The following ZBTB20 variants were observed in gnomAD, a reference collection of about 807,000 sequenced individuals.
ZBTB20 encodes zinc finger and BTB domain-containing protein 20.
A neutral mutation model predicts 56.9 loss-of-function variants in ZBTB20; 9 were observed. The ratio of observed to expected loss-of-function variants is 0.16; its 90% confidence interval spans 0.10 to 0.28. The LOEUF (loss-of-function observed/expected upper bound fraction) is 0.28. Ranked by LOEUF, ZBTB20 falls within the 10% of genes least tolerant of loss-of-function variation. The pLI, the probability that ZBTB20 is intolerant of heterozygous loss-of-function variation, is 1.00. For missense variants in ZBTB20, 655 were observed against 1,003.0 expected (o/e 0.65, Z 4.69); for synonymous variants, 417 against 420.7 (o/e 0.99, Z 0.11).
intron 4 of ZBTB20, among the ~76,000 whole-genome samples, chr3:114,890,647 G>A (rs984759464): frequency 1.3e-5 from 2 of 152,078 alleles, no homozygotes; most frequent in African/African-American, 4.8e-5. Flanking sequence ...TGTACCTAAT[G>A]TAAATGACAA....
Position 114,953,031 on chromosome 3 carries a change from G to T in ZBTB20, c.-456+21335C>A, listed in dbSNP as rs191024793. 3.6e-3 allele frequency among the ~76,000 whole-genome samples: 552 copies of T among 152,106 alleles called. 3 individuals are homozygous for T. Among genetic ancestry groups the T allele is most frequent in the African/African-American group, 0.013 (525 of 41,552 alleles). ...TGCAAAATTACAACATTATCTGACG[G>T]GGCTTCCAATGTATGTAGATATAAT... is the stretch of plus-strand genomic sequence containing the variant. On this transcript the variant is annotated intron_variant, in intron 3 of 11. Transcript: ENST00000675478.
At chr3:114,711,688 C>G (rs1041316701) in intron 5 of ZBTB20, among the ~76,000 whole-genome samples, 1 of 152,120 alleles carries the variant, frequency 6.6e-6, no homozygotes, top group African/African-American at 2.4e-5. Flanking sequence ...CTTGATGAAC[C>G]CTCAATCTGG....
rs80209118 is a variant in ZBTB20 at position 114,694,527 on chromosome 3, A to T, written c.-342-952T>A. Among the ~76,000 whole-genome samples, 104 of 152,150 alleles carry T rather than the reference A, an allele frequency of 6.8e-4. 3 individuals are homozygous for T. The East Asian group carries it at 0.019, about 27-fold the overall frequency. ...AATTCGTGTAGCTAAAAGTAATGAA[A>T]CACTGTATAAAAGAAGAACCCTATA... On this transcript the variant is annotated intron_variant, in intron 5 of 11. Coordinates refer to ENST00000675478, the MANE Select transcript of ZBTB20 (RefSeq NM_001348800.3).
chr3:114,684,622 T>G (rs144668563), intron 6 of ZBTB20: 64 of 152,298 alleles, frequency 4.2e-4, no homozygotes, highest in Middle Eastern at 3.4e-3. Flanking sequence ...AGGATGAAGG[T>G]GGGGTTATTT....
intron 6 of ZBTB20, among the ~76,000 whole-genome samples, chr3:114,665,724 G>C (rs2061010415): frequency 3.9e-5 from 6 of 152,030 alleles, no homozygotes; most frequent in Admixed American, 3.9e-4. Flanking sequence ...ATCTGCATTA[G>C]TAGAGAACAA....
chr3:114,383,853 A>AT (rs1407418779), intron 8 of ZBTB20, among the ~76,000 whole-genome samples: 12 of 152,348 alleles, frequency 7.9e-5, no homozygotes, highest in African/African-American at 2.6e-4. Context: ...CCCTGTCATA[A>AT]TTAGTTGAAA....
chr3:115,147,058 C>A (rs1490307280), intron 1 of ZBTB20, among the ~76,000 whole-genome samples, 161 bp downstream of exon 1: 5 of 149,472 alleles, frequency 3.3e-5, no homozygotes, highest in Admixed American at 3.3e-4. Context: ...GCTGGCTCGC[C>A]GCTCTGTAAC....
intron 5 of ZBTB20, among the ~76,000 whole-genome samples, chr3:114,763,310 A>C (rs1434518160): frequency 6.6e-6 from 1 of 152,232 alleles, no homozygotes; most frequent in Admixed American, 6.5e-5. Flanking sequence ...TCAGAAAACT[A>C]GTCATGGCTA....
chr3:114,345,706 G>T (rs1225991256), intron 11 of ZBTB20, among the ~76,000 whole-genome samples: 1 of 152,116 alleles, frequency 6.6e-6, no homozygotes, highest in Non-Finnish European at 1.5e-5. Context: ...TGTCTGGGGT[G>T]GGGGTGAAGG....
At chr3:114,921,268 AC>A (rs1057306248) in intron 3 of ZBTB20, among the ~76,000 whole-genome samples, 15 of 152,092 alleles carry the variant, frequency 9.9e-5, no homozygotes, top group African/African-American at 3.6e-4. Flanking sequence ...GATTACAGGC[AC>A]CCACCACTAC....
chr3:115,019,457 T>C (rs1191761274), intron 2 of ZBTB20, among the ~76,000 whole-genome samples: 1 of 151,236 alleles, frequency 6.6e-6, no homozygotes, highest in Non-Finnish European at 1.5e-5. Context: ...TTTTAGTGCT[T>C]CAAGCAGCAA....
chr3:114,630,892 T>C (rs988142981), intron 6 of ZBTB20, among the ~76,000 whole-genome samples: 1 of 152,156 alleles, frequency 6.6e-6, no homozygotes, highest in African/African-American at 2.4e-5. Flanking sequence ...ATGAAATAAC[T>C]CACATTAGAG....
chr3:114,354,589 T>TTG (rs1358886559), intron 10 of ZBTB20, among the ~76,000 whole-genome samples: 2 of 147,814 alleles, frequency 1.4e-5, no homozygotes, highest in Non-Finnish European at 1.5e-5. Context: ...TTTTGTTTGT[T>TTG]TTTTTTTTTT....
In ZBTB20 at chr3:114,617,461, G is replaced by A. The variant is rs531220986; in HGVS notation, c.-295+76067C>T. 4.3e-3 allele frequency among the ~76,000 whole-genome samples: 648 copies of A among 152,268 alleles called. 4 individuals are homozygous for A. The highest frequency in any genetic ancestry group is 6.3e-3 in the Non-Finnish European group (431 of 68,022). On this transcript the variant is annotated intron_variant, in intron 6 of 11. Coordinates refer to ENST00000675478, the MANE Select transcript of ZBTB20 (RefSeq NM_001348800.3). ...CCCCCACTCCAAGATATGTTCAGCT[G>A]AACACTCACTGTGCCTCCATGGTTC... is the stretch of plus-strand genomic sequence containing the variant.
intron 5 of ZBTB20, among the ~76,000 whole-genome samples, chr3:114,725,479 A>G (rs1419816533): frequency 2.6e-5 from 4 of 152,244 alleles, no homozygotes; most frequent in Admixed American, 2.6e-4. Flanking sequence ...GCATTGTAGA[A>G]TAAAGTATTT....
rs749811091 is a variant in ZBTB20 at position 114,351,360 on chromosome 3, C to A, written c.718G>T (p.Val240Leu). The A allele has an allele frequency of 3.1e-6, 5 of 1,610,798 alleles. No individual in the cohort carries two copies. The Admixed American group carries it at 5.0e-5, about 16-fold the overall frequency. ...TAGAGTGCCGAGTAGATCCTGTCCA[C>A]GCTGTGCTGTGGGTGGCTCTGCAGG... ...GYLQSHPQHS[V>L]DRIYSALYAC... Residue 240 changes from valine to leucine, a missense_variant, in exon 11 of 12, where the codon GTG (valine) becomes TTG (leucine). Coordinates refer to ENST00000675478, the MANE Select transcript of ZBTB20 (RefSeq NM_001348800.3).
At chr3:115,065,237 T>C (rs537901205) in intron 2 of ZBTB20, among the ~76,000 whole-genome samples, 97 of 152,206 alleles carry the variant, frequency 6.4e-4, no homozygotes, top group Non-Finnish European at 1.2e-3. Flanking sequence ...CTTCTTTTTA[T>C]ATAATCTTGT....
At chr3:115,055,227 C>G (rs1430762915) in intron 2 of ZBTB20, among the ~76,000 whole-genome samples, 1 of 151,376 alleles carries the variant, frequency 6.6e-6, no homozygotes, top group African/African-American at 2.4e-5. Context: ...CTCTCTCTCA[C>G]TGTCCACTAG....
intron 6 of ZBTB20, among the ~76,000 whole-genome samples, chr3:114,587,735 G>T (rs549139539): frequency 4.7e-4 from 72 of 152,282 alleles, no homozygotes; most frequent in South Asian, 2.5e-3. Flanking sequence ...AAGAACGAAA[G>T]TCATTTCCAC....
Sources: gnomAD v4.1 joint callset for allele counts (sites outside exome capture counted in the v4.1 genomes callset) on GRCh38, gnomAD v4.1.1 for gene constraint, MANE v1.5 for transcripts, NCBI Gene and HGNC (gene_info 2026-07-23, HGNC 2026-07-21) for gene names.